The following ZNF385D variants were observed in gnomAD, a reference collection of about 807,000 sequenced individuals.
ZNF385D encodes the protein zinc finger protein 659.
Under a neutral mutation model 35.8 loss-of-function variants are expected in ZNF385D, and 15 were observed. The observed-to-expected ratio is 0.42, with a 90% CI of 0.28 to 0.64. The LOEUF is 0.64. Among genes scored for constraint, ZNF385D ranks in the 30% least tolerant of loss-of-function variants. The probability of loss-of-function intolerance (pLI) is 0.23; values close to 1 mark genes in which losing one functional copy is unlikely to be tolerated. For missense variants in ZNF385D, 474 were observed against 494.6 expected (o/e 0.96, Z 0.39); for synonymous variants, 212 against 186.8 (o/e 1.13, Z -1.10).
At chr3:21,920,640 A>G (rs259512) in intron 3 of ZNF385D, among the ~76,000 whole-genome samples, 9,318 of 149,708 alleles carry the variant, frequency 0.062, 504 homozygotes, top group African/African-American at 0.13. Context: ...AAAAAAAAAG[A>G]TGAAATGGAA....
At chr3:21,794,871 G>A (rs1173611719) in intron 3 of ZNF385D, among the ~76,000 whole-genome samples, 4 of 152,116 alleles carry the variant, frequency 2.6e-5, no homozygotes, top group African/African-American at 9.7e-5. Context: ...AGCTTCATCT[G>A]AACATTGCAA....
At chr3:21,540,721 C>T (rs1308340553) in intron 3 of ZNF385D, among the ~76,000 whole-genome samples, 19 of 152,180 alleles carry the variant, frequency 1.2e-4, no homozygotes, top group Admixed American at 1.2e-3. Context: ...TTTAAAAGCT[C>T]ATTTATGCCC....
intron 3 of ZNF385D, among the ~76,000 whole-genome samples, chr3:22,081,991 ATTTT>A (rs67970020): frequency 0.26 from 34,129 of 133,404 alleles, 3,773 homozygotes; most frequent in East Asian, 0.31. Context: ...GGGGTTTTCT[ATTTT>A]TTTTTTTTTT....
intron 4 of ZNF385D, among the ~76,000 whole-genome samples, chr3:21,484,913 A>G (rs1704920646): frequency 6.6e-6 from 1 of 152,116 alleles, no homozygotes; most frequent in African/African-American, 2.4e-5. Flanking sequence ...CATATATAGG[A>G]GGCAAACAAA....
intron 3 of ZNF385D, among the ~76,000 whole-genome samples, chr3:21,921,083 C>T (rs1232659661): frequency 1.3e-5 from 2 of 151,526 alleles, no homozygotes; most frequent in East Asian, 1.9e-4. Context: ...AAATAGCCGG[C>T]GTGATGGCGG....
chr3:21,853,888 G>C (rs1696559374), intron 3 of ZNF385D, among the ~76,000 whole-genome samples: 1 of 151,666 alleles, frequency 6.6e-6, no homozygotes, highest in Non-Finnish European at 1.5e-5. Context: ...GTTCAAGAAA[G>C]GCAATATAAA....
At chr3:21,542,349 T>TC (rs1208115882) in intron 3 of ZNF385D, among the ~76,000 whole-genome samples, 2 of 150,480 alleles carry the variant, frequency 1.3e-5, no homozygotes, top group Non-Finnish European at 3.0e-5. Context: ...CTCTTTCTTT[T>TC]TTTTTTTTTC....
chr3:22,117,778 A>G (rs540017069), intron 3 of ZNF385D, among the ~76,000 whole-genome samples: 1 of 152,204 alleles, frequency 6.6e-6, no homozygotes, highest in African/African-American at 2.4e-5. Flanking sequence ...AAAAGAAGAA[A>G]TTAAGAAAAA....
chr3:22,098,413 G>T lies in ZNF385D; in HGVS notation c.325+70404C>A, dbSNP rs566652125. On this transcript the variant is annotated intron_variant, in intron 3 of 5. Coordinates refer to the ZNF385D transcript ENST00000494108. ...TTTATCAATTTAGTGTTTAGGAAAA[G>T]GGAGCATTTGGGAGAGGGGAAGATT... Among the ~76,000 whole-genome samples the T allele has an allele frequency of 2.0e-5, 3 of 152,118 alleles. No individual in the cohort carries two copies. The South Asian group carries it at 6.2e-4, about 32-fold the overall frequency.
chr3:22,044,059 T>C (rs1019774122), intron 3 of ZNF385D, among the ~76,000 whole-genome samples: 11 of 151,256 alleles, frequency 7.3e-5, no homozygotes, highest in Admixed American at 2.6e-4. Context: ...CAAAGAAACA[T>C]GGTGATGAGA....
At chr3:21,454,570 G>T (rs1702666141) in intron 4 of ZNF385D, among the ~76,000 whole-genome samples, 1 of 151,926 alleles carries the variant, frequency 6.6e-6, no homozygotes, top group Non-Finnish European at 1.5e-5. Flanking sequence ...CAATAAATTA[G>T]GTATTGATGG....
At chr3:21,907,386 ATCTT>A (rs1699735050) in intron 3 of ZNF385D, among the ~76,000 whole-genome samples, 1 of 152,144 alleles carries the variant, frequency 6.6e-6, no homozygotes, top group East Asian at 1.9e-4. Context: ...CCTTCACAAT[ATCTT>A]TTTTTGTATA....
rs1375606067 is a variant in ZNF385D, at chr3:21,465,688, C to A, written c.440-28485G>T. ...TTTTCTTTCCTGGCTCTGCTTCTTC[C>A]TTTCCTGTGAAAATTCACCTGTGTG... On this transcript the variant is annotated intron_variant, in intron 4 of 7. Coordinates refer to ENST00000281523, the MANE Select transcript of ZNF385D (RefSeq NM_024697.3). This position sits in a 1 kb window ranked among gnomAD's most constrained non-coding sequence, Gnocchi z 4.2. Among the ~76,000 whole-genome samples the A allele has an allele frequency of 1.3e-5, 2 of 152,150 alleles. No homozygotes were observed. The highest frequency in any genetic ancestry group is 2.4e-5 in the African/African-American group (1 of 41,430).
Position 22,134,198 on chromosome 3 carries a change from T to C in ZNF385D, c.325+34619A>G, listed in dbSNP as rs1009991718. 2.6e-5 allele frequency: 4 copies of C among 152,190 alleles called. No homozygotes were observed. In the South Asian group the frequency reaches 8.3e-4, roughly 32 times the overall value. The allele number at this position is 152,190 out of a possible 1,614,324, so 9.4% of individuals were successfully genotyped here. A position where few individuals can be genotyped will look rare whatever the true frequency, so the allele number is the denominator to read the frequency against. ...AATGAGAAATGAACTGTAAATATTATATAGGTTAGTTAAAAGGAAAAGGAC... is the reference window on the plus strand; with the variant it reads ...AATGAGAAATGAACTGTAAATATTACATAGGTTAGTTAAAAGGAAAAGGAC... On this transcript the variant is annotated intron_variant, in intron 3 of 5. Coordinates refer to the ZNF385D transcript ENST00000494108.
intron 3 of ZNF385D, among the ~76,000 whole-genome samples, chr3:21,973,663 A>G (rs1283417264): frequency 6.6e-6 from 1 of 152,072 alleles, no homozygotes; most frequent in Non-Finnish European, 1.5e-5. Flanking sequence ...ATATGATTTT[A>G]TATTTGGAAA....
chr3:21,420,916 C>T lies in ZNF385D; in HGVS notation c.*298G>A. The T allele has an allele frequency of 3.3e-6, 1 of 300,092 alleles. No individual in the cohort carries two copies. The highest frequency in any genetic ancestry group is 6.3e-6 in the Non-Finnish European group (1 of 159,350). 18.6% of individuals were successfully genotyped at this position (300,092 alleles called of 1,614,324 possible). ...GACAATGCAGAGGGAAATAGGTGCC[C>T]AAAAGCACAGTCACAGAGGCTTCAG... On this transcript the variant is annotated 3_prime_UTR_variant, in exon 8 of 8. Coordinates refer to ENST00000281523, the MANE Select transcript of ZNF385D (RefSeq NM_024697.3).
chr3:22,046,469 C>T (rs896475749), intron 3 of ZNF385D, among the ~76,000 whole-genome samples: 3 of 151,918 alleles, frequency 2.0e-5, no homozygotes, highest in East Asian at 1.9e-4. Flanking sequence ...ATATTTAATC[C>T]GACCAAAAAA....
At chr3:21,621,182 T>C (rs1167081049) in intron 2 of ZNF385D, among the ~76,000 whole-genome samples, 3 of 143,908 alleles carry the variant, frequency 2.1e-5, no homozygotes, top group Non-Finnish European at 4.5e-5. Flanking sequence ...TTTCCCCTAA[T>C]AATTATGCAT....
At chr3:22,351,343 A>T (rs1367430680) in intron 2 of ZNF385D, among the ~76,000 whole-genome samples, 1 of 151,918 alleles carries the variant, frequency 6.6e-6, no homozygotes, top group Non-Finnish European at 1.5e-5. Flanking sequence ...GACCATTCTT[A>T]TTTAATTTAG....
Sources: gnomAD v4.1 joint callset for allele counts (sites outside exome capture counted in the v4.1 genomes callset) on GRCh38, gnomAD v4.1.1 for gene constraint, Gnocchi (gnomAD v3.1) non-coding constraint, MANE v1.5 for transcripts, NCBI Gene and HGNC (gene_info 2026-07-23, HGNC 2026-07-21) for gene names.